NTM: variants seen among roughly 807,000 people sequenced by gnomAD.
The protein encoded by NTM is IgLON family member 2.
In NTM, 13 loss-of-function variants were observed where a neutral mutation model predicts 42.1. That is an observed-to-expected ratio of 0.31 (90% CI 0.20 to 0.49). The LOEUF is 0.49. Ranked by LOEUF, NTM falls within the 20% of genes least tolerant of loss-of-function variation. NTM has a pLI of 0.99. For missense variants in NTM, 373 were observed against 452.8 expected, an observed-to-expected ratio of 0.82 and a Z score of 1.60; for synonymous variants, 187 against 179.2, an observed-to-expected ratio of 1.04 and a Z score of -0.35.
At chr11:132,123,588 A>T (rs1286602900) in intron 2 of NTM, among the ~76,000 whole-genome samples, 2 of 152,168 alleles carry the variant, frequency 1.3e-5, no homozygotes, top group Non-Finnish European at 2.9e-5. Context: ...AGAGCTAGGG[A>T]AATCCCCTGC....
intron 1 of NTM, among the ~76,000 whole-genome samples, chr11:131,578,294 T>C (rs2058103047): frequency 6.6e-6 from 1 of 152,224 alleles, no homozygotes; most frequent in Non-Finnish European, 1.5e-5. Flanking sequence ...AGCAAATTAT[T>C]CAAATATAGG....
chr11:131,372,276 G>T (rs1279658034), intron 1 of NTM, among the ~76,000 whole-genome samples: 4 of 152,066 alleles, frequency 2.6e-5, no homozygotes, highest in Non-Finnish European at 5.9e-5. Flanking sequence ...CCAAGGTGGT[G>T]AATCTTGCAG....
At chr11:131,672,855 GGGTGT>G (rs1384034869) in intron 1 of NTM, among the ~76,000 whole-genome samples, 3 of 126,168 alleles carry the variant, frequency 2.4e-5, no homozygotes, top group South Asian at 2.9e-4. Context: ...GGTGGGGGTG[GGGTGT>G]GACCGTGTTC....
At chr11:131,911,257 C>A in intron 1 of NTM, 6 of 1,420,842 alleles carry the variant, frequency 4.2e-6, no homozygotes, top group Non-Finnish European at 4.6e-6. Flanking sequence ...GGCCGTCCTC[C>A]GTGGAACCGG....
At chr11:131,659,899 A>T (rs1323283941) in intron 1 of NTM, among the ~76,000 whole-genome samples, 1 of 152,232 alleles carries the variant, frequency 6.6e-6, no homozygotes, top group Non-Finnish European at 1.5e-5. Context: ...CTTTAAGAAG[A>T]GTCTAAAAGG....
intron 1 of NTM, among the ~76,000 whole-genome samples, chr11:131,780,265 C>T (rs974392417): frequency 6.6e-6 from 1 of 152,106 alleles, no homozygotes; most frequent in Non-Finnish European, 1.5e-5. Flanking sequence ...GCAGGGACAG[C>T]AGGTGCAGAG....
At chr11:132,009,272 A>G (rs78357253) in intron 2 of NTM, among the ~76,000 whole-genome samples, 1 of 152,254 alleles carries the variant, frequency 6.6e-6, no homozygotes, top group East Asian at 1.9e-4. Flanking sequence ...GAAGTGTCCT[A>G]ATTTTCCCTG....
chr11:131,556,419 ATAAT>A (rs986554019), intron 1 of NTM, among the ~76,000 whole-genome samples: 1 of 152,244 alleles, frequency 6.6e-6, no homozygotes, highest in Admixed American at 6.5e-5. Context: ...ATGATATTTA[ATAAT>A]TAATAAGTCA....
chr11:131,556,066 T>C (rs903617874), intron 1 of NTM, among the ~76,000 whole-genome samples: 4 of 152,210 alleles, frequency 2.6e-5, no homozygotes, highest in Non-Finnish European at 4.4e-5. Flanking sequence ...GGATGAAAGT[T>C]TGTGTTCTGA....
intron 1 of NTM, among the ~76,000 whole-genome samples, chr11:131,498,237 C>G (rs1429155560): frequency 6.6e-6 from 1 of 152,166 alleles, no homozygotes; most frequent in African/African-American, 2.4e-5. Context: ...AACTCTGGCT[C>G]TACCACGTAC....
intron 1 of NTM, among the ~76,000 whole-genome samples, chr11:131,623,733 C>T (rs2062813292): frequency 6.6e-6 from 1 of 152,230 alleles, no homozygotes; most frequent in Admixed American, 6.5e-5. Flanking sequence ...GGCCCACTCT[C>T]CCTCCCTTGG....
chr11:131,895,914 C>T (rs2052192071), intron 1 of NTM, among the ~76,000 whole-genome samples: 1 of 152,258 alleles, frequency 6.6e-6, no homozygotes, highest in South Asian at 2.1e-4. Flanking sequence ...TGCAGGGCAA[C>T]TTTCCAAGAA....
At chr11:131,607,870 G>A (rs2061115071) in intron 1 of NTM, among the ~76,000 whole-genome samples, 1 of 143,012 alleles carries the variant, frequency 7.0e-6, no homozygotes, top group Non-Finnish European at 1.5e-5. Context: ...TTGATCGGTA[G>A]ACATTTTTGG....
chr11:131,925,738 G>T (rs900154559), intron 2 of NTM, among the ~76,000 whole-genome samples: 2 of 152,144 alleles, frequency 1.3e-5, no homozygotes, highest in Non-Finnish European at 2.9e-5. Context: ...ATCGTGTATG[G>T]ATTTGGGTAA....
chr11:131,723,377 G>A (rs539089734), intron 1 of NTM, among the ~76,000 whole-genome samples: 2 of 152,224 alleles, frequency 1.3e-5, no homozygotes, highest in Non-Finnish European at 2.9e-5. Context: ...TGTAGATTAC[G>A]CAGCAGCTGG....
At chr11:131,605,765 A>T in intron 1 of NTM, 1 of 983,278 alleles carries the variant, frequency 1.0e-6, no homozygotes, top group South Asian at 4.7e-5. Flanking sequence ...AAAAAAATAA[A>T]TAAAGGTGCC....
At chr11:131,608,715 C>G (rs1033915132) in intron 1 of NTM, among the ~76,000 whole-genome samples, 1 of 152,098 alleles carries the variant, frequency 6.6e-6, no homozygotes, top group Non-Finnish European at 1.5e-5. Context: ...TTTTACATCC[C>G]CTCTCTCTCT....
At chr11:132,182,694 G>C (rs4414228) in intron 3 of NTM, among the ~76,000 whole-genome samples, 51,217 of 151,942 alleles carry the variant, frequency 0.34, 8,960 homozygotes, top group East Asian at 0.42. Flanking sequence ...ATTGCTGCCA[G>C]CATTATCTTT....
chr11:131,874,148 C>T (rs1433407514), intron 1 of NTM, among the ~76,000 whole-genome samples: 1 of 147,392 alleles, frequency 6.8e-6, no homozygotes, highest in Non-Finnish European at 1.5e-5. Context: ...TTCTTGGTCT[C>T]ACCTGGGCTC....
Sources: gnomAD v4.1 joint callset for allele counts (sites outside exome capture counted in the v4.1 genomes callset) on GRCh38, gnomAD v4.1.1 for gene constraint, MANE v1.5 for transcripts, NCBI Gene and HGNC (gene_info 2026-07-23, HGNC 2026-07-21) for gene names.